Variants in UBE3A observed in about 807,000 individuals in gnomAD.
UBE3A encodes the protein ubiquitin-protein ligase E3A.
Under a neutral mutation model 83.4 loss-of-function variants are expected in UBE3A, and 6 were observed. That is an observed-to-expected ratio of 0.07 (90% CI 0.04 to 0.14). The LOEUF is 0.14. Ranked by LOEUF, UBE3A falls within the 10% of genes least tolerant of loss-of-function variation. The pLI is 1.00. For synonymous variants in UBE3A, 337 were observed against 355.4 expected (o/e 0.95, Z 0.58); for missense variants, 456 against 1,036.1 (o/e 0.44, Z 7.69).
intron 7 of UBE3A, among the ~76,000 whole-genome samples, chr15:25,360,156 C>T (rs1449926519): frequency 1.3e-5 from 2 of 152,120 alleles, no homozygotes; most frequent in Non-Finnish European, 2.9e-5. Flanking sequence ...GAGATAATTT[C>T]CTTCATTAGA....
chr15:25,420,246 A>G (rs1029093566), intron 1 of UBE3A, among the ~76,000 whole-genome samples: 1 of 152,216 alleles, frequency 6.6e-6, no homozygotes, highest in African/African-American at 2.4e-5. Context: ...GAACATTACC[A>G]GCGATAAACA....
At chr15:25,341,440 T>C (rs2074775806) in intron 11 of UBE3A, among the ~76,000 whole-genome samples, 1 of 151,582 alleles carries the variant, frequency 6.6e-6, no homozygotes, top group South Asian at 2.1e-4. Flanking sequence ...GCTTATATAA[T>C]ATAAAATGCA....
chr15:25,438,466 G>C (rs1895850768), intron 1 of UBE3A, 23 bp downstream of exon 1: 2 of 152,176 alleles, frequency 1.3e-5, no homozygotes, highest in African/African-American at 4.8e-5. Flanking sequence ...GCGCCGCCTG[G>C]CGCAGGCCGC....
At chr15:25,413,019 C>G in intron 1 of UBE3A, 1 of 451,426 alleles carries the variant, frequency 2.2e-6, no homozygotes, top group Non-Finnish European at 4.4e-6. Context: ...ACATGACACA[C>G]AGATCTCATT....
At chr15:25,407,190 A>C in intron 3 of UBE3A, 2 of 1,334,430 alleles carry the variant, frequency 1.5e-6, no homozygotes, top group Non-Finnish European at 2.0e-6. Context: ...TGAAAGTGCG[A>C]CCCTCCAGCA....
chr15:25,409,187 C>G lies in UBE3A; in HGVS notation c.-80G>C. 7.2e-7 allele frequency: 1 copy of G among 1,390,650 alleles called. No individual in the cohort carries two copies. The highest frequency in any genetic ancestry group is 1.2e-5 in the South Asian group (1 of 81,696). The allele number at this position is 1,390,650 out of a possible 1,614,324, so 86.1% of individuals were successfully genotyped here. On this transcript the variant is annotated 5_prime_UTR_variant, in exon 3 of 13. Transcript: ENST00000648336. ...ACACCAGTCTAGCTGCTACCTTGAT[C>G]TGAGCGTAGGCTTAATAACTCTAAT... is the stretch of plus-strand genomic sequence containing the variant.
chr15:25,341,087 T>G (rs535918803), intron 11 of UBE3A, among the ~76,000 whole-genome samples: 1 of 152,236 alleles, frequency 6.6e-6, no homozygotes, highest in South Asian at 2.1e-4. Flanking sequence ...TTTTTTTTTT[T>G]GAGACAGAGT....
At chr15:25,424,686 T>C (rs978605042) in intron 1 of UBE3A, among the ~76,000 whole-genome samples, 2 of 152,044 alleles carry the variant, frequency 1.3e-5, no homozygotes, top group African/African-American at 4.8e-5. Flanking sequence ...AAAAATTATA[T>C]GAAACACAAG....
chr15:25,361,762 G>T (rs1219865784), intron 6 of UBE3A, among the ~76,000 whole-genome samples: 1 of 152,062 alleles, frequency 6.6e-6, no homozygotes, highest in Admixed American at 6.5e-5. Context: ...TAATCTTGGA[G>T]ATGAAAATTT....
intron 1 of UBE3A, among the ~76,000 whole-genome samples, chr15:25,437,278 A>G (rs2153193409): frequency 6.6e-6 from 1 of 152,314 alleles, no homozygotes; most frequent in African/African-American, 2.4e-5. Flanking sequence ...CCTAAATTCT[A>G]AATTTTACAT....
At chr15:25,408,323 A>C (rs1222240668) in intron 3 of UBE3A, 1 of 436,054 alleles carries the variant, frequency 2.3e-6, no homozygotes, top group Non-Finnish European at 4.1e-6. Flanking sequence ...AAGTTGCTGG[A>C]AGTAAGAATC....
chr15:25,405,372 A>G, intron 4 of UBE3A, 89 bp downstream of exon 4: 1 of 1,435,208 alleles, frequency 7.0e-7, no homozygotes, highest in Non-Finnish European at 9.8e-7. Context: ...TCTTTTAACC[A>G]GAAATTATTT....
chr15:25,367,894 AAG>A (rs1176731868), intron 6 of UBE3A, among the ~76,000 whole-genome samples: 2 of 152,112 alleles, frequency 1.3e-5, no homozygotes, highest in African/African-American at 4.8e-5. Flanking sequence ...GAAAACATAC[AAG>A]AGTCTCATAT....
At chr15:25,434,955 A>T (rs1287981283) in intron 1 of UBE3A, among the ~76,000 whole-genome samples, 2 of 147,782 alleles carry the variant, frequency 1.4e-5, no homozygotes, top group Non-Finnish European at 3.0e-5. Flanking sequence ...TAAAAATTTT[A>T]AATTCTATAT....
rs1327701646 is a variant in UBE3A at position 25,337,720 on chromosome 15, C to T, written c.*1417G>A. On this transcript the variant is annotated 3_prime_UTR_variant, in exon 13 of 13. Coordinates refer to ENST00000648336, the MANE Select transcript of UBE3A (RefSeq NM_130839.5). ...TCAATCAATCACCAAGGCACAAGCTCAGCACATTAGCTATAGCTTGTAGCA... is the reference window on the plus strand; with the variant it reads ...TCAATCAATCACCAAGGCACAAGCTTAGCACATTAGCTATAGCTTGTAGCA... 1 of 152,078 alleles carries T rather than the reference C, an allele frequency of 6.6e-6. No homozygotes were observed. The highest frequency in any genetic ancestry group is 1.5e-5 in the Non-Finnish European group (1 of 67,996). The allele number at this position is 152,078 out of a possible 1,614,324, so 9.4% of individuals were successfully genotyped here.
intron 1 of UBE3A, among the ~76,000 whole-genome samples, chr15:25,421,384 T>G (rs1455533138): frequency 6.6e-6 from 1 of 152,160 alleles, no homozygotes; most frequent in Non-Finnish European, 1.5e-5. Flanking sequence ...AATTACCCAG[T>G]CTCAGATATT....
intron 3 of UBE3A, among the ~76,000 whole-genome samples, chr15:25,406,049 A>G (rs2088458103): frequency 6.6e-6 from 1 of 152,216 alleles, no homozygotes; most frequent in Non-Finnish European, 1.5e-5. Context: ...CTAAAAGAAC[A>G]GAGCTGAGGA....
intron 11 of UBE3A, among the ~76,000 whole-genome samples, chr15:25,348,459 A>C (rs970512102): frequency 6.6e-6 from 1 of 152,174 alleles, no homozygotes; most frequent in African/African-American, 2.4e-5. Flanking sequence ...TAAAGTAAGA[A>C]TACCTTCTAC....
In UBE3A at chr15:25,410,379, CAA is replaced by C. The variant is rs2089721673; in HGVS notation, c.-100-1174_-100-1173del. 5.3e-5 allele frequency among the ~76,000 whole-genome samples: 8 copies of C among 152,232 alleles called. No homozygotes were observed. In the South Asian group the frequency reaches 1.7e-3, roughly 32 times the overall value. On this transcript the variant is annotated intron_variant, in intron 2 of 12. Transcript: ENST00000648336. ...CTCTTTACTGACACTGTAGTTCTGGCAAAGATACCATACATCTGAAATATCCC... is the reference window on the plus strand; with the variant it reads ...CTCTTTACTGACACTGTAGTTCTGGCAGATACCATACATCTGAAATATCCC...
Sources: gnomAD v4.1 joint callset for allele counts (sites outside exome capture counted in the v4.1 genomes callset) on GRCh38, gnomAD v4.1.1 for gene constraint, MANE v1.5 for transcripts, NCBI Gene and HGNC (gene_info 2026-07-23, HGNC 2026-07-21) for gene names.